The following BDP1 variants were observed in gnomAD, a reference collection of about 807,000 sequenced individuals.
The protein encoded by BDP1 is BDP1 general transcription factor IIIB subunit, also known as transcription factor TFIIIB component B'' homolog.
BDP1 carries 169 observed loss-of-function variants against 266.6 expected under a neutral mutation model. The observed-to-expected ratio is 0.63, with a 90% CI of 0.56 to 0.72. BDP1 has a LOEUF of 0.72. Ranked by LOEUF, BDP1 falls within the 30% of genes least tolerant of loss-of-function variation. The pLI, the probability that BDP1 is intolerant of heterozygous loss-of-function variation, is 0.00. For missense variants in BDP1, 3,015 were observed against 3,053.8 expected (o/e 0.99, Z 0.30); for synonymous variants, 1,090 against 1,022.4 (o/e 1.07, Z -1.26).
At position 71,541,639 on chromosome 5, in the gene BDP1, A is replaced by G. The variant is rs1241322586; in HGVS notation, c.6208A>G (p.Ile2070Val). The G allele has an allele frequency of 2.5e-6, 4 of 1,610,962 alleles. No individual in the cohort carries two copies. Among genetic ancestry groups the G allele is most frequent in the Non-Finnish European group, 3.4e-6 (4 of 1,178,666 alleles). The change falls in exon 29 of 39, where the codon ATA becomes GTA. Residue 2070 changes from isoleucine (I) to valine (V), a missense_variant. By Grantham distance (29) the Ile-to-Val change is conservative. Transcript: ENST00000358731. The part of the protein sequence containing the change: ...VLEEQSSREE[I>V]SLMEKVKENA... ...GGAGGAACAAAGTTCCAGAGAAGAAATAAGTTTAATGGAGAAAGTAAAGGA... is the reference window on the plus strand; with the variant it reads ...GGAGGAACAAAGTTCCAGAGAAGAAGTAAGTTTAATGGAGAAAGTAAAGGA...
intron 19 of BDP1, among the ~76,000 whole-genome samples, chr5:71,513,782 C>T (rs1482983315): frequency 1.3e-5 from 2 of 151,890 alleles, no homozygotes; most frequent in South Asian, 2.1e-4. Flanking sequence ...TGCAGTGGCG[C>T]GATCTCGGCT....
At chr5:71,534,955 T>G (rs1766498280) in intron 26 of BDP1, among the ~76,000 whole-genome samples, 1 of 152,166 alleles carries the variant, frequency 6.6e-6, no homozygotes, top group South Asian at 2.1e-4. Context: ...ATTGTTTTCT[T>G]AATTTCATTT....
intron 32 of BDP1, among the ~76,000 whole-genome samples, chr5:71,547,941 C>G (rs1043216928): frequency 1.3e-5 from 2 of 151,522 alleles, no homozygotes; most frequent in Admixed American, 1.3e-4. Context: ...GGCGACAGAG[C>G]GAGACTGTCT....
In BDP1 at chr5:71,513,063, CAA is replaced by C. The variant is rs34252624; in HGVS notation, c.4248-98_4248-97del. Reference sequence around the variant, plus strand: ...GGGGGATAGAACAAGACCCTGTCTCCAAAAAAAAAAAAAAAAAAAAAAAAATT... The same window carrying C: ...GGGGGATAGAACAAGACCCTGTCTCCAAAAAAAAAAAAAAAAAAAAAAATT... On this transcript the variant is annotated intron_variant, in intron 18 of 38. Coordinates refer to ENST00000358731, the MANE Select transcript of BDP1 (RefSeq NM_018429.3). 0.28 allele frequency: 115,585 copies of C among 409,640 alleles called. 5,051 individuals carry two copies. The highest frequency in any genetic ancestry group is 0.29 in the Non-Finnish European group (73,088 of 251,452). The allele number at this position is 409,640 out of a possible 1,614,324, so 25.4% of individuals were successfully genotyped here.
At position 71,564,897 on chromosome 5, in the gene BDP1, C is replaced by G; in HGVS notation, c.*12C>G. 1 of 1,575,618 alleles carries G rather than the reference C, an allele frequency of 6.3e-7. No individual in the cohort carries two copies. Among genetic ancestry groups the G allele is most frequent in the Non-Finnish European group, 8.6e-7 (1 of 1,166,482 alleles). On this transcript the variant is annotated 3_prime_UTR_variant, in exon 39 of 39. Transcript: ENST00000358731. Reference sequence around the variant, plus strand: ...ATGAAACAGAATAAAACAATCTTTTCTCTTTTTCTTTTTTAAATTAGGTCT... The same window carrying G: ...ATGAAACAGAATAAAACAATCTTTTGTCTTTTTCTTTTTTAAATTAGGTCT...
intron 25 of BDP1, 57 bp downstream of exon 25, chr5:71,524,380 T>C: frequency 1.4e-6 from 2 of 1,458,214 alleles, no homozygotes; most frequent in South Asian, 2.7e-5. Flanking sequence ...CACCTCTTGT[T>C]TCTTTTAGGG....
intron 8 of BDP1, among the ~76,000 whole-genome samples, 166 bp downstream of exon 8, chr5:71,484,062 C>CTA (rs1384721356): frequency 6.6e-6 from 1 of 152,104 alleles, no homozygotes; most frequent in Non-Finnish European, 1.5e-5. Context: ...CTGGCACTTG[C>CTA]TACAAATATA....
rs745672835 is a variant in BDP1, at chr5:71,486,559, A to G, written c.1145A>G (p.Lys382Arg). Residue 382 changes from lysine (K) to arginine (R), a missense_variant, in exon 9 of 39, where the codon AAA (lysine) becomes AGA (arginine). By Grantham distance (26) the Lys-to-Arg change is conservative. Coordinates refer to ENST00000358731, the MANE Select transcript of BDP1 (RefSeq NM_018429.3). ...QKVLAEEEKR[K>R]QKSVKNHSLK... ...GTTCTTGCTGAAGAAGAGAAAAGAA[A>G]ACAAAAATCTGTTAAAAATCACAGT... 1 of 1,542,874 alleles carries G rather than the reference A, an allele frequency of 6.5e-7. No individual in the cohort carries two copies. Among genetic ancestry groups the G allele is most frequent in the Non-Finnish European group, 8.6e-7 (1 of 1,158,154 alleles).
At chr5:71,546,500 C>G (rs2150575128) in intron 32 of BDP1, among the ~76,000 whole-genome samples, 1 of 151,288 alleles carries the variant, frequency 6.6e-6, no homozygotes, top group Admixed American at 6.6e-5. Context: ...CACCTGTAAT[C>G]CCAGCTACTT....
In BDP1 at chr5:71,544,458, C is replaced by T; in HGVS notation, c.6514C>T (p.His2172Tyr). 1 of 1,614,056 alleles carries T rather than the reference C, an allele frequency of 6.2e-7. No homozygotes were observed. The highest frequency in any genetic ancestry group is 8.5e-7 in the Non-Finnish European group (1 of 1,179,964). Residue 2172 changes from histidine to tyrosine, a missense_variant, in exon 31 of 39, where the codon CAT (histidine) becomes TAT (tyrosine). Physicochemically the swap from His to Tyr is moderately conservative, Grantham distance 83. This residue lies in a region of BDP1 where 629 missense variants were observed against 632.5 expected (regional missense o/e 0.99). Coordinates refer to ENST00000358731, the MANE Select transcript of BDP1 (RefSeq NM_018429.3). ...GGATCAGAGCAAATTGGCATGTGTA[C>T]ATGGTATCAAAGGGACCAGTATTTC... Reference protein sequence around the residue: ...NKDQSKLACVHGIKGTSISSE... With the variant: ...NKDQSKLACVYGIKGTSISSE...
Position 71,467,468 on chromosome 5 carries a change from T to C in BDP1, c.900T>C (p.Ser300=). Residue 300 remains serine (S), a synonymous_variant, in exon 6 of 39, where the codon TCT becomes TCC. Coordinates refer to ENST00000358731, the MANE Select transcript of BDP1 (RefSeq NM_018429.3). ...CCAGCTTTAGGAAAAACTATTACTC[T>C]AAACCATGGTCAAATAAAGGTAACT... is the stretch of plus-strand genomic sequence containing the variant. ...TYSSFRKNYY[S]KPWSNKETDM... 1 of 1,603,256 alleles carries C rather than the reference T, an allele frequency of 6.2e-7. No homozygotes were observed. The highest frequency in any genetic ancestry group is 8.5e-7 in the Non-Finnish European group (1 of 1,173,148).
intron 35 of BDP1, 25 bp from the exon 36 acceptor site, chr5:71,556,861 T>G (rs1166107055): frequency 4.9e-6 from 6 of 1,215,838 alleles, no homozygotes; most frequent in Non-Finnish European, 5.6e-6. Flanking sequence ...ATTTCTAAAT[T>G]TTTTTTTAAA....
intron 19 of BDP1, 104 bp downstream of exon 19, chr5:71,513,511 G>A (rs944571433): frequency 2.7e-6 from 2 of 741,198 alleles, no homozygotes; most frequent in South Asian, 1.9e-5. Context: ...AAATATTTCT[G>A]TGTAATTTTT....
chr5:71,493,473 A>G (rs1286506061), intron 11 of BDP1, among the ~76,000 whole-genome samples: 1 of 152,002 alleles, frequency 6.6e-6, no homozygotes, highest in East Asian at 1.9e-4. Flanking sequence ...CTGGTCTCAA[A>G]CTCCTGGGCT....
rs987878995 is a variant in BDP1, at chr5:71,562,446, G to A, written c.7669G>A (p.Glu2557Lys). The part of the protein sequence containing the change: ...PFNESQEKNR[E>K]SSDLLPSPSV... ...CAATGAAAGCCAGGAAAAAAATCGA[G>A]AGTCCTCTGATCTGCTTCCATCTCC... is the stretch of plus-strand genomic sequence containing the variant. The change falls in exon 38 of 39, where the codon GAG (glutamate) becomes AAG (lysine). Residue 2557 changes from glutamate to lysine, a missense_variant. By Grantham distance (56) the Glu-to-Lys change is moderately conservative. Coordinates refer to ENST00000358731, the MANE Select transcript of BDP1 (RefSeq NM_018429.3). 3.1e-6 allele frequency: 5 copies of A among 1,613,884 alleles called. No individual in the cohort carries two copies. Among genetic ancestry groups the A allele is most frequent in the African/African-American group, 1.3e-5 (1 of 75,016 alleles).
In BDP1 at chr5:71,532,296, T is replaced by G; in HGVS notation, c.5773-12T>G. On this transcript the variant is annotated splice_polypyrimidine_tract_variant and intron_variant, in intron 25 of 38. Transcript: ENST00000358731. ...TATGCCAAAATGAAATGATAAAACT[T>G]TATTTTGACAGCTTGAAATAACTGT... The G allele has an allele frequency of 3.7e-6, 6 of 1,611,568 alleles. No homozygotes were observed. Among genetic ancestry groups the G allele is most frequent in the Non-Finnish European group, 5.1e-6 (6 of 1,178,830 alleles).
chr5:71,491,970 C>T lies in BDP1; in HGVS notation c.1640+839C>T, dbSNP rs543298836. Among the ~76,000 whole-genome samples, 5 of 152,326 alleles carry T rather than the reference C, an allele frequency of 3.3e-5. No individual in the cohort carries two copies. In the East Asian group the frequency reaches 5.8e-4, roughly 18 times the overall value. ...AGCTCAGGTGATCCACCTGCCCTGG[C>T]CTCCCAAAGTGCTGGGATTACAGGT... On this transcript the variant is annotated intron_variant, in intron 11 of 38. Transcript: ENST00000358731.
intron 34 of BDP1, 49 bp downstream of exon 34, chr5:71,549,655 A>C (rs1222415751): frequency 6.7e-7 from 1 of 1,483,726 alleles, no homozygotes; most frequent in African/African-American, 1.4e-5. Flanking sequence ...GTGATTTATG[A>C]ACTAAGTAGC....
In BDP1 at chr5:71,509,539, C is replaced by T; in HGVS notation, c.2447C>T (p.Pro816Leu). ...ILRTRFQKPKPNIGRGTGRRE... is the reference protein window; with the variant it reads ...ILRTRFQKPKLNIGRGTGRRE... ...AGGACTCGATTTCAGAAACCAAAGC[C>T]AAATATAGGAAGAGGAACTGGAAGG... The change falls in exon 17 of 39, where the codon CCA becomes CTA. Residue 816 changes from proline to leucine, a missense_variant. Coordinates refer to ENST00000358731, the MANE Select transcript of BDP1 (RefSeq NM_018429.3). 2 of 1,611,180 alleles carry T rather than the reference C, an allele frequency of 1.2e-6. No homozygotes were observed. The highest frequency in any genetic ancestry group is 1.7e-6 in the Non-Finnish European group (2 of 1,179,410).
Sources: allele counts gnomAD v4.1 joint callset (sites outside exome capture counted in the v4.1 genomes callset), GRCh38; gene constraint gnomAD v4.1.1; regional missense constraint gnomAD v4.1.1; transcripts MANE v1.5; gene names NCBI Gene and HGNC (gene_info 2026-07-23, HGNC 2026-07-21).